Variants in LINGO2 observed in about 807,000 individuals in gnomAD.
The protein encoded by LINGO2 is leucine-rich repeat and immunoglobulin-like domain-containing nogo receptor-interacting protein 2.
LINGO2 carries 14 observed loss-of-function variants against 30.6 expected under a neutral mutation model. The ratio of observed to expected loss-of-function variants is 0.46; its 90% confidence interval spans 0.30 to 0.72. The LOEUF is 0.72. Among genes scored for constraint, LINGO2 ranks in the 30% least tolerant of loss-of-function variants. LINGO2 has a pLI of 0.07. For synonymous variants in LINGO2, 317 were observed against 288.5 expected (o/e 1.10, Z -1.00); for missense variants, 729 against 751.7 (o/e 0.97, Z 0.35).
chr9:27,956,646 T>TG (rs1819584324), intron 5 of LINGO2, among the ~76,000 whole-genome samples: 1 of 152,216 alleles, frequency 6.6e-6, no homozygotes, highest in African/African-American at 2.4e-5. Flanking sequence ...TTTTCTCCTA[T>TG]GTATTCTTCT....
At chr9:28,057,940 C>G (rs1217841081) in intron 4 of LINGO2, among the ~76,000 whole-genome samples, 1 of 152,092 alleles carries the variant, frequency 6.6e-6, no homozygotes, top group Non-Finnish European at 1.5e-5. Context: ...AGATACCACA[C>G]TGCATGATAA....
At chr9:28,431,295 C>T (rs974699168) in intron 2 of LINGO2, among the ~76,000 whole-genome samples, 1 of 152,098 alleles carries the variant, frequency 6.6e-6, no homozygotes, top group African/African-American at 2.4e-5. Context: ...AGACTTAAAG[C>T]TATTTGAGAG....
At chr9:28,934,887 C>T in the LINGO2 span, among the ~76,000 whole-genome samples, 1 of 152,106 alleles carries the variant, frequency 6.6e-6, no homozygotes, top group African/African-American at 2.4e-5. Context: ...TGAATACATA[C>T]ATCATTATAA....
At chr9:28,141,633 T>C (rs1827674419) in intron 4 of LINGO2, among the ~76,000 whole-genome samples, 1 of 152,176 alleles carries the variant, frequency 6.6e-6, no homozygotes, top group African/African-American at 2.4e-5. Context: ...ACACAAATTC[T>C]TGGCTGGGTG....
intron 2 of LINGO2, among the ~76,000 whole-genome samples, chr9:28,404,207 T>G (rs1017653396): frequency 2.0e-5 from 3 of 152,160 alleles, no homozygotes; most frequent in African/African-American, 7.2e-5. Flanking sequence ...TGTTTCTTTC[T>G]TTCAGCACAT....
chr9:28,212,755 G>A lies in LINGO2; in HGVS notation c.-87+82453C>T, dbSNP rs1820635670. Among the ~76,000 whole-genome samples the A allele has an allele frequency of 2.0e-5, 3 of 151,212 alleles. No individual in the cohort carries two copies. In the Admixed American group the frequency reaches 2.0e-4, roughly 10 times the overall value. On this transcript the variant is annotated intron_variant, in intron 4 of 5. Transcript: ENST00000379992. Reference sequence around the variant, plus strand: ...CTCAGTCACACTAGCCACATTTCAAGTACTCAAAAGCCACATGAGGTTAGT... The same window carrying A: ...CTCAGTCACACTAGCCACATTTCAAATACTCAAAAGCCACATGAGGTTAGT...
chr9:28,961,958 T>C, the LINGO2 span, among the ~76,000 whole-genome samples: 2 of 152,132 alleles, frequency 1.3e-5, no homozygotes, highest in African/African-American at 2.4e-5. Context: ...TATGCCTGTA[T>C]CATAACCTTT....
At chr9:29,202,851 A>C in the LINGO2 span, among the ~76,000 whole-genome samples, 1 of 152,166 alleles carries the variant, frequency 6.6e-6, no homozygotes, top group East Asian at 1.9e-4. Flanking sequence ...GTCCAACAGA[A>C]CAATCATCAA....
chr9:28,832,511 G>A, the LINGO2 span, among the ~76,000 whole-genome samples: 1 of 152,074 alleles, frequency 6.6e-6, no homozygotes, highest in East Asian at 1.9e-4. Flanking sequence ...CTGTTCTCCA[G>A]AACCACAGAA....
chr9:28,261,616 C>T (rs1424001629), intron 4 of LINGO2, among the ~76,000 whole-genome samples: 4 of 151,784 alleles, frequency 2.6e-5, no homozygotes, highest in African/African-American at 9.7e-5. Context: ...GTCTTTTATT[C>T]CTTGCTAAGT....
chr9:28,161,583 G>A (rs1322972029), intron 4 of LINGO2, among the ~76,000 whole-genome samples: 1 of 152,036 alleles, frequency 6.6e-6, no homozygotes, highest in Middle Eastern at 3.2e-3. Flanking sequence ...AGCCTCTTAA[G>A]GGTAAAAAAT....
At chr9:28,462,552 G>T (rs879712708) in intron 2 of LINGO2, among the ~76,000 whole-genome samples, 21 of 151,708 alleles carry the variant, frequency 1.4e-4, no homozygotes, top group Non-Finnish European at 2.2e-4. Context: ...GTAAATTTCT[G>T]TCACCTTTCT....
At chr9:28,656,423 A>G (rs1828340257) in intron 1 of LINGO2, among the ~76,000 whole-genome samples, 1 of 152,136 alleles carries the variant, frequency 6.6e-6, no homozygotes, top group Non-Finnish European at 1.5e-5. Flanking sequence ...TCGCCCTAGT[A>G]ATAAGAAAAG....
At chr9:28,359,885 G>A (rs925447074) in intron 3 of LINGO2, among the ~76,000 whole-genome samples, 2 of 152,156 alleles carry the variant, frequency 1.3e-5, no homozygotes, top group Non-Finnish European at 2.9e-5. Context: ...ATAAGCACCA[G>A]TTTACCCTAG....
chr9:28,795,609 A>G, the LINGO2 span, among the ~76,000 whole-genome samples: 1 of 151,602 alleles, frequency 6.6e-6, no homozygotes, highest in East Asian at 1.9e-4. Flanking sequence ...AGATAGATAC[A>G]TATATTTTTA....
At chr9:29,024,029 C>T in the LINGO2 span, among the ~76,000 whole-genome samples, 1 of 152,066 alleles carries the variant, frequency 6.6e-6, no homozygotes, top group Non-Finnish European at 1.5e-5. Flanking sequence ...CCTCCTTCCA[C>T]CCACAACCAA....
the LINGO2 span, among the ~76,000 whole-genome samples, chr9:28,736,319 T>A: frequency 6.6e-6 from 1 of 152,156 alleles, no homozygotes; most frequent in Admixed American, 6.6e-5. Context: ...TCAGCCAGCA[T>A]AGGATGAAGA....
At chr9:27,995,725 TAA>T (rs1375043022) in intron 5 of LINGO2, among the ~76,000 whole-genome samples, 4 of 152,076 alleles carry the variant, frequency 2.6e-5, no homozygotes, top group Admixed American at 2.0e-4. Context: ...CTCTAAACAA[TAA>T]AGACCATGTA....
chr9:28,396,530 C>G (rs973170732), intron 2 of LINGO2, among the ~76,000 whole-genome samples: 1 of 151,680 alleles, frequency 6.6e-6, no homozygotes, highest in African/African-American at 2.4e-5. Flanking sequence ...TGGTGAAACC[C>G]CGTCTCTACT....
Sources: gnomAD v4.1 joint callset for allele counts (sites outside exome capture counted in the v4.1 genomes callset) on GRCh38, gnomAD v4.1.1 for gene constraint, MANE v1.5 for transcripts, NCBI Gene and HGNC (gene_info 2026-07-23, HGNC 2026-07-21) for gene names.